The following FHAD1 variants were observed in gnomAD, a reference collection of about 807,000 sequenced individuals.
FHAD1 encodes forkhead-associated domain-containing protein 1.
A neutral mutation model predicts 191.3 loss-of-function variants in FHAD1; 146 were observed. The ratio of observed to expected loss-of-function variants is 0.76; its 90% CI spans 0.67 to 0.88. The LOEUF (loss-of-function observed/expected upper bound fraction) is 0.88. Among genes scored for constraint, FHAD1 ranks in the 40% least tolerant of loss-of-function variants. The pLI is 0.00. For synonymous variants in FHAD1, 616 were observed against 672.3 expected (o/e 0.92, Z 1.29); for missense variants, 1,635 against 1,785.8 (o/e 0.92, Z 1.52).
intron 13 of FHAD1, 24 bp downstream of exon 13, chr1:15,328,453 C>A: frequency 7.2e-7 from 1 of 1,396,496 alleles, no homozygotes; most frequent in Non-Finnish European, 9.4e-7. Flanking sequence ...ACGCTTTCCA[C>A]AAATGGTCTC....
intron 14 of FHAD1, among the ~76,000 whole-genome samples, chr1:15,334,963 C>T (rs893545276): frequency 1.3e-5 from 2 of 152,186 alleles, no homozygotes; most frequent in Non-Finnish European, 2.9e-5. Flanking sequence ...AGTCCACGCC[C>T]CTCCAACCTC....
At chr1:15,386,517 C>T (rs557832369) in intron 31 of FHAD1, among the ~76,000 whole-genome samples, 9 of 152,364 alleles carry the variant, frequency 5.9e-5, no homozygotes, top group East Asian at 3.9e-4. Flanking sequence ...GATGCAAGCC[C>T]GTTCTTCGGC....
At chr1:15,391,141 T>G (rs1703934083) in intron 32 of FHAD1, 69 bp from the exon 33 acceptor site, 2 of 921,450 alleles carry the variant, frequency 2.2e-6, no homozygotes, top group Admixed American at 6.5e-5. Context: ...GAAAAATCCA[T>G]TTTTCTTTGA....
At chr1:15,344,491 G>A (rs747426509) in intron 16 of FHAD1, among the ~76,000 whole-genome samples, 1 of 152,172 alleles carries the variant, frequency 6.6e-6, no homozygotes, top group Non-Finnish European at 1.5e-5. Flanking sequence ...AGTTTTGCAG[G>A]TCATATGCTC....
At chr1:15,272,597 C>A in intron 3 of FHAD1, 68 bp downstream of exon 3, 1 of 1,413,306 alleles carries the variant, frequency 7.1e-7, no homozygotes. Context: ...TCGGATGCAG[C>A]TGCAGGGTGG....
chr1:15,346,873 T>C (rs1338537923), intron 18 of FHAD1, among the ~76,000 whole-genome samples: 2 of 152,162 alleles, frequency 1.3e-5, no homozygotes, highest in Non-Finnish European at 2.9e-5. Context: ...AGATCTAGTG[T>C]ATAATGGAGG....
chr1:15,268,787 A>C (rs941945104), intron 2 of FHAD1, among the ~76,000 whole-genome samples: 1 of 150,220 alleles, frequency 6.7e-6, no homozygotes, highest in Non-Finnish European at 1.5e-5. Context: ...GGCTGCATAA[A>C]TGTCTTCTTT....
chr1:15,362,577 T>A, intron 22 of FHAD1, 65 bp from the exon 23 acceptor site: 1 of 1,304,224 alleles, frequency 7.7e-7, no homozygotes, highest in East Asian at 2.5e-5. Flanking sequence ...AAGACACAGG[T>A]GTGCTTGTAA....
chr1:15,349,243 A>G, intron 19 of FHAD1, 94 bp downstream of exon 19: 7 of 981,020 alleles, frequency 7.1e-6, no homozygotes, highest in Non-Finnish European at 1.1e-5. Flanking sequence ...TATCAGAGCC[A>G]TGCCTCCCTT....
At chr1:15,337,606 T>G (rs572629601) in intron 14 of FHAD1, among the ~76,000 whole-genome samples, 3 of 152,294 alleles carry the variant, frequency 2.0e-5, no homozygotes, top group African/African-American at 7.2e-5. Flanking sequence ...AGACCAGGAA[T>G]GCTACTAACC....
intron 14 of FHAD1, among the ~76,000 whole-genome samples, chr1:15,339,010 A>C (rs959475312): frequency 1.6e-4 from 25 of 151,990 alleles, no homozygotes; most frequent in African/African-American, 5.6e-4. Flanking sequence ...CTTATCAACT[A>C]CTTTATTTTT....
intron 2 of FHAD1, among the ~76,000 whole-genome samples, chr1:15,272,114 A>G (rs1656298816): frequency 2.0e-5 from 3 of 152,204 alleles, no homozygotes; most frequent in Non-Finnish European, 4.4e-5. Context: ...GGTGTCAGAC[A>G]GAGCACATAT....
chr1:15,353,097 T>A, intron 20 of FHAD1, 113 bp downstream of exon 20: 1 of 718,400 alleles, frequency 1.4e-6, no homozygotes, highest in South Asian at 1.8e-5. Flanking sequence ...GCTGGGGGAC[T>A]TCAGGCTAGT....
chr1:15,361,483 C>T (rs1407545593), intron 22 of FHAD1, among the ~76,000 whole-genome samples: 1 of 152,088 alleles, frequency 6.6e-6, no homozygotes. Context: ...GGCAAGCCAT[C>T]AGGACTTACC....
chr1:15,298,893 T>G (rs12076537), intron 5 of FHAD1, among the ~76,000 whole-genome samples: 13,713 of 151,818 alleles, frequency 0.09, 873 homozygotes, highest in African/African-American at 0.17. Flanking sequence ...AAATAGGCTG[T>G]GCTCAGTGGC....
chr1:15,339,251 C>T (rs973757485), intron 14 of FHAD1, among the ~76,000 whole-genome samples: 1 of 152,116 alleles, frequency 6.6e-6, no homozygotes, highest in African/African-American at 2.4e-5. Context: ...GAGCTCCTGA[C>T]CTCAGGTGAT....
intron 31 of FHAD1, chr1:15,383,704 C>T (rs1178818611): frequency 1.7e-5 from 5 of 301,288 alleles, no homozygotes; most frequent in African/African-American, 6.5e-5. Context: ...TCTTCATGAC[C>T]GTCTCCAGGC....
Position 15,289,695 on chromosome 1 carries a change from TG to T in FHAD1, c.568+34del. 3.9e-6 allele frequency: 6 copies of T among 1,529,764 alleles called. No homozygotes were observed. Among genetic ancestry groups the T allele is most frequent in the Non-Finnish European group, 5.3e-6 (6 of 1,131,052 alleles). The allele number at this position is 1,529,764 out of a possible 1,614,324, so 94.8% of individuals were successfully genotyped here. A position where few individuals can be genotyped will look rare whatever the true frequency, so the allele number is the denominator to read the frequency against. ...TGCGTCAGGGCTGCCATTGGTGGCT[TG>T]GGGGTGGTTCACGGCCATGTGGATG... On this transcript the variant is annotated intron_variant, in intron 4 of 33. Coordinates refer to ENST00000688493, the MANE Select transcript of FHAD1 (RefSeq NM_001391957.1). The surrounding 1 kb of genome is among the most constrained non-coding windows in gnomAD (Gnocchi z 4.2).
In FHAD1 at chr1:15,241,292, A is replaced by G. The variant is rs902926965; in HGVS notation, c.-15+4531A>G. Among the ~76,000 whole-genome samples the G allele has an allele frequency of 5.3e-5, 8 of 152,360 alleles. No individual in the cohort carries two copies. In the East Asian group the frequency reaches 1.5e-3, roughly 29 times the overall value. On this transcript the variant is annotated intron_variant, in intron 1 of 33. Coordinates refer to the FHAD1 transcript ENST00000683790. ...GGAGATGAAAAGACATCTCCCAAAC[A>G]TAACGTCAAGCGAAAGAAACCAGAC...
Sources: gnomAD v4.1 joint callset for allele counts (sites outside exome capture counted in the v4.1 genomes callset) on GRCh38, gnomAD v4.1.1 for gene constraint, Gnocchi (gnomAD v3.1) non-coding constraint, MANE v1.5 for transcripts, NCBI Gene and HGNC (gene_info 2026-07-23, HGNC 2026-07-21) for gene names.